ARHGAP15: variants seen among roughly 807,000 people sequenced by gnomAD.
ARHGAP15 encodes the protein rho GTPase-activating protein 15.
In ARHGAP15, 51 loss-of-function variants were observed where a neutral mutation model predicts 63.7. The ratio of observed to expected loss-of-function variants is 0.80; its 90% CI spans 0.64 to 1.01. The LOEUF (loss-of-function observed/expected upper bound fraction) is 1.01, where lower values mean the gene tolerates loss of function less well. Ranked by LOEUF, ARHGAP15 falls within the 50% of genes least tolerant of loss-of-function variation. The pLI is 0.00. For missense variants in ARHGAP15, 560 were observed against 564.6 expected (o/e 0.99, Z 0.08); for synonymous variants, 191 against 193.8 (o/e 0.99, Z 0.12).
intron 11 of ARHGAP15, among the ~76,000 whole-genome samples, chr2:143,560,248 A>G (rs576268785): frequency 3.9e-5 from 6 of 152,360 alleles, no homozygotes; most frequent in Non-Finnish European, 8.8e-5. Context: ...TTTCCTAATT[A>G]TAACTAGTAA....
intron 8 of ARHGAP15, among the ~76,000 whole-genome samples, chr2:143,479,702 G>T (rs1375982713): frequency 1.3e-5 from 2 of 151,766 alleles, no homozygotes; most frequent in African/African-American, 4.8e-5. Context: ...ATCAATAGAA[G>T]AATGTCTAAA....
At chr2:143,643,071 A>G (rs1180123930) in intron 12 of ARHGAP15, among the ~76,000 whole-genome samples, 3 of 152,162 alleles carry the variant, frequency 2.0e-5, no homozygotes, top group Admixed American at 6.6e-5. Flanking sequence ...GGAGAATTCA[A>G]TACTGCAGAT....
chr2:143,542,358 A>G (rs558684332), intron 10 of ARHGAP15, among the ~76,000 whole-genome samples: 1 of 152,094 alleles, frequency 6.6e-6, no homozygotes, highest in East Asian at 1.9e-4. Flanking sequence ...GCTTCGGCTC[A>G]TGCACGGTGC....
chr2:143,619,213 GA>G (rs1317364788), intron 11 of ARHGAP15, among the ~76,000 whole-genome samples: 3 of 152,040 alleles, frequency 2.0e-5, no homozygotes, highest in Non-Finnish European at 2.9e-5. Context: ...TTCTTTTTAA[GA>G]AAAATTATTC....
At chr2:143,236,857 G>T (rs34280020) in intron 5 of ARHGAP15, 25,439 of 152,118 alleles carry the variant, frequency 0.17, 2,298 homozygotes, top group Middle Eastern at 0.24. Flanking sequence ...TGAAATGTTT[G>T]AATGGGGGTT....
At chr2:143,201,237 T>C (rs74533163) in intron 2 of ARHGAP15, among the ~76,000 whole-genome samples, 2,261 of 151,682 alleles carry the variant, frequency 0.015, 76 homozygotes, top group African/African-American at 0.052. Flanking sequence ...GCCTCTGGGG[T>C]AGCTGGGGAC....
chr2:143,665,998 G>A (rs200345381), intron 12 of ARHGAP15, among the ~76,000 whole-genome samples: 21,646 of 148,280 alleles, frequency 0.15, 1,635 homozygotes, highest in East Asian at 0.23. Flanking sequence ...ACTGCCCAAG[G>A]TAATTTACAG....
intron 12 of ARHGAP15, among the ~76,000 whole-genome samples, chr2:143,657,301 C>A (rs960367379): frequency 6.6e-6 from 1 of 152,150 alleles, no homozygotes; most frequent in Non-Finnish European, 1.5e-5. Flanking sequence ...GAGCCGAGAT[C>A]GCGCCACTGC....
chr2:143,448,705 A>G lies in ARHGAP15; in HGVS notation c.703+11663A>G, dbSNP rs527943648. Among the ~76,000 whole-genome samples, 13 of 152,048 alleles carry G rather than the reference A, an allele frequency of 8.5e-5. 1 individual carries two copies. In the South Asian group the frequency reaches 2.7e-3, roughly 32 times the overall value. ...AATCTCATTCTTTCAGGAGCCTACT[A>G]GATTCTTGTTACTCTAGATATAATC... On this transcript the variant is annotated intron_variant, in intron 8 of 13. Coordinates refer to ENST00000295095, the MANE Select transcript of ARHGAP15 (RefSeq NM_018460.4).
chr2:143,331,531 T>C lies in ARHGAP15; in HGVS notation c.474+80931T>C, dbSNP rs190710378. ...GTAACTATCATTCAATAAAGTGATT[T>C]TGATGTTATCCTTTGAAAAGAAATC... On this transcript the variant is annotated intron_variant, in intron 6 of 13. Transcript: ENST00000295095. 3.3e-5 allele frequency among the ~76,000 whole-genome samples: 5 copies of C among 152,314 alleles called. No individual in the cohort carries two copies. In the East Asian group the frequency reaches 9.6e-4, roughly 29 times the overall value.
At chr2:143,373,957 G>T (rs2104922383) in intron 6 of ARHGAP15, among the ~76,000 whole-genome samples, 1 of 152,238 alleles carries the variant, frequency 6.6e-6, no homozygotes, top group Middle Eastern at 3.4e-3. Flanking sequence ...TAGCAAACCT[G>T]CAAAACCATT....
At chr2:143,537,521 G>T (rs558927557) in intron 10 of ARHGAP15, among the ~76,000 whole-genome samples, 1 of 152,272 alleles carries the variant, frequency 6.6e-6, no homozygotes, top group South Asian at 2.1e-4. Flanking sequence ...GATCTAACAT[G>T]TAAGTCTTTA....
intron 11 of ARHGAP15, among the ~76,000 whole-genome samples, chr2:143,615,729 G>T (rs1008520011): frequency 6.6e-6 from 1 of 152,082 alleles, no homozygotes; most frequent in Non-Finnish European, 1.5e-5. Context: ...CAATAGCAAT[G>T]GTGTTGAAAT....
intron 13 of ARHGAP15, among the ~76,000 whole-genome samples, chr2:143,751,850 T>G (rs1686388121): frequency 6.6e-6 from 1 of 152,150 alleles, no homozygotes; most frequent in African/African-American, 2.4e-5. Context: ...ACAGCAACCT[T>G]GCCTCCGCCC....
chr2:143,273,177 T>C (rs939959439), intron 6 of ARHGAP15, among the ~76,000 whole-genome samples: 2 of 152,194 alleles, frequency 1.3e-5, no homozygotes, highest in African/African-American at 4.8e-5. Context: ...AAAACATTTC[T>C]GCTTAAAATA....
intron 6 of ARHGAP15, among the ~76,000 whole-genome samples, chr2:143,255,287 T>C (rs781450388): frequency 1.3e-4 from 20 of 151,950 alleles, no homozygotes; most frequent in Non-Finnish European, 2.9e-4. Context: ...CACCACCAAT[T>C]TGTAACCTCA....
Position 143,589,129 on chromosome 2 carries a change from C to G in ARHGAP15, c.1003+32644C>G, listed in dbSNP as rs550009304. On this transcript the variant is annotated intron_variant, in intron 11 of 13. Transcript: ENST00000295095. ...TGCAATCAAATTATTCTCATACCTG[C>G]ATTTCTAACCCTTAGTTTCCTCCTT... Among the ~76,000 whole-genome samples the G allele has an allele frequency of 1.1e-4, 16 of 152,304 alleles. No individual in the cohort carries two copies. The South Asian group carries it at 2.1e-3, about 20-fold the overall frequency.
intron 12 of ARHGAP15, among the ~76,000 whole-genome samples, chr2:143,670,710 C>T (rs1682477490): frequency 6.6e-6 from 1 of 152,170 alleles, no homozygotes; most frequent in Admixed American, 6.5e-5. Context: ...GTCTCTTATT[C>T]CATCATCAGG....
At chr2:143,706,870 C>T (rs1318632153) in intron 13 of ARHGAP15, among the ~76,000 whole-genome samples, 1 of 152,112 alleles carries the variant, frequency 6.6e-6, no homozygotes, top group African/African-American at 2.4e-5. Flanking sequence ...CCTCTGGTAC[C>T]TTCTGAATCA....
Sources: allele counts gnomAD v4.1 joint callset (sites outside exome capture counted in the v4.1 genomes callset), GRCh38; gene constraint gnomAD v4.1.1; transcripts MANE v1.5; gene names NCBI Gene and HGNC (gene_info 2026-07-23, HGNC 2026-07-21).